MR1: variants seen among roughly 807,000 people sequenced by gnomAD.
MR1 encodes the protein major histocompatibility complex, class I-related.
A neutral mutation model predicts 37.8 loss-of-function variants in MR1; 44 were observed. The ratio of observed to expected loss-of-function variants is 1.16; its 90% CI spans 0.91 to 1.50. The LOEUF (loss-of-function observed/expected upper bound fraction) is 1.50, where lower values mean the gene tolerates loss of function less well. Among genes scored for constraint, MR1 ranks in the 40% most tolerant of loss-of-function variants. The pLI is 0.00. For missense variants in MR1, 386 were observed against 419.1 expected (o/e 0.92, Z 0.69); for synonymous variants, 153 against 155.8 (o/e 0.98, Z 0.13).
Position 181,052,224 on chromosome 1 carries a change from C to T in MR1, c.605-11C>T. ...AGGCACTTTGATTTAACTTTAGCTTCTTCTTCCTAGAGCCCCCACTGGTCA... is the reference window on the plus strand; with the variant it reads ...AGGCACTTTGATTTAACTTTAGCTTTTTCTTCCTAGAGCCCCCACTGGTCA... On this transcript the variant is annotated splice_polypyrimidine_tract_variant and intron_variant, in intron 3 of 5. Coordinates refer to ENST00000367580, the MANE Select transcript of MR1 (RefSeq NM_001385161.1). The T allele has an allele frequency of 3.7e-6, 6 of 1,611,534 alleles. No homozygotes were observed. The highest frequency in any genetic ancestry group is 4.2e-6 in the Non-Finnish European group (5 of 1,178,384).
intron 1 of MR1, among the ~76,000 whole-genome samples, chr1:181,043,767 C>A (rs968842633): frequency 6.6e-6 from 1 of 152,064 alleles, no homozygotes; most frequent in Non-Finnish European, 1.5e-5. Flanking sequence ...TGGGAGATAC[C>A]TCTCAGGGCC....
intron 1 of MR1, among the ~76,000 whole-genome samples, chr1:181,043,142 G>A (rs2102373460): frequency 6.6e-6 from 1 of 152,266 alleles, no homozygotes; most frequent in South Asian, 2.1e-4. Flanking sequence ...TTTATGAAGA[G>A]GCTCTCATGA....
chr1:181,048,478 T>C (rs1173573196), intron 1 of MR1, among the ~76,000 whole-genome samples: 2 of 150,320 alleles, frequency 1.3e-5, no homozygotes, highest in Non-Finnish European at 3.0e-5. Flanking sequence ...GAGGTTGCAG[T>C]GAACAGAGAT....
rs1571403549 is a variant in MR1 at position 181,055,383 on chromosome 1, A to G, written c.*118A>G. Reference sequence around the variant, plus strand: ...CGACACCCACAACATACATGAGAGTAATGGGATTGAGCATTTATGGCAGCA... The same window carrying G: ...CGACACCCACAACATACATGAGAGTGATGGGATTGAGCATTTATGGCAGCA... On this transcript the variant is annotated 3_prime_UTR_variant, in exon 6 of 6. Transcript: ENST00000367580. The G allele has an allele frequency of 9.1e-6, 8 of 880,512 alleles. No homozygotes were observed. The East Asian group carries it at 2.0e-4, about 22-fold the overall frequency. The allele number at this position is 880,512 out of a possible 1,614,324, so 54.5% of individuals were successfully genotyped here. A position where few individuals can be genotyped will look rare whatever the true frequency, so the allele number is the denominator to read the frequency against.
chr1:181,049,085 T>C lies in MR1; in HGVS notation c.101T>C (p.Val34Ala). The C allele has an allele frequency of 6.2e-7, 1 of 1,614,042 alleles. No homozygotes were observed. The highest frequency in any genetic ancestry group is 8.5e-7 in the Non-Finnish European group (1 of 1,179,886). Residue 34 changes from valine to alanine, a missense_variant, in exon 2 of 6, where the codon GTT becomes GCT. Transcript: ENST00000367580. ...THSLRYFRLG[V>A]SDPIHGVPEF... ...TCTCTGAGATATTTTCGCCTGGGCGTTTCGGATCCCATCCATGGGGTCCCT... is the reference window on the plus strand; with the variant it reads ...TCTCTGAGATATTTTCGCCTGGGCGCTTCGGATCCCATCCATGGGGTCCCT...
rs781355091 is a variant in MR1 at position 181,034,067 on chromosome 1, C to A, written c.60C>A (p.Ser20Arg). 8 of 1,613,000 alleles carry A rather than the reference C, an allele frequency of 5.0e-6. No homozygotes were observed. The highest frequency in any genetic ancestry group is 3.3e-5 in the South Asian group (3 of 90,924). The change falls in exon 1 of 6, where the codon AGC (serine) becomes AGA (arginine). Residue 20 changes from serine (S) to arginine (R), a missense_variant. Transcript: ENST00000367580. ...TCATTGTGTTAATGGTGAAGCACAG[C>A]GATTCCCGTGAGTATCCCACGTCCT... ...PLIIVLMVKH[S>R]DSRTHSLRYF...
At chr1:181,049,587 G>A (rs572427243) in intron 2 of MR1, 2 of 537,182 alleles carry the variant, frequency 3.7e-6, no homozygotes, top group South Asian at 2.5e-5. Context: ...CTTCTGATAT[G>A]CATCTCCTTT....
At position 181,034,068 on chromosome 1, in the gene MR1, G is replaced by A. The variant is rs745972894; in HGVS notation, c.61G>A (p.Asp21Asn). The change falls in exon 1 of 6, where the codon GAT becomes AAT. Residue 21 changes from aspartate (D) to asparagine (N), a missense_variant. Transcript: ENST00000367580. ...LIIVLMVKHS[D>N]SRTHSLRYFR... ...CATTGTGTTAATGGTGAAGCACAGC[G>A]ATTCCCGTGAGTATCCCACGTCCTC... The A allele has an allele frequency of 8.7e-6, 14 of 1,613,122 alleles. No individual in the cohort carries two copies. In the East Asian group the frequency reaches 1.8e-4, roughly 21 times the overall value.
At chr1:181,044,915 C>CT (rs938329981) in intron 1 of MR1, among the ~76,000 whole-genome samples, 1 of 152,192 alleles carries the variant, frequency 6.6e-6, no homozygotes, top group African/African-American at 2.4e-5. Flanking sequence ...GAGTCTCAGG[C>CT]TGAGGGCCGG....
intron 1 of MR1, among the ~76,000 whole-genome samples, chr1:181,035,744 C>G (rs1170271993): frequency 1.3e-5 from 2 of 152,170 alleles, no homozygotes; most frequent in East Asian, 3.8e-4. Context: ...AGTGACCACG[C>G]TCACATAAGG....
At chr1:181,051,892 CACTT>C (rs1422075259) in intron 3 of MR1, among the ~76,000 whole-genome samples, 1 of 152,194 alleles carries the variant, frequency 6.6e-6, no homozygotes, top group East Asian at 1.9e-4. Context: ...TGGGAACAGT[CACTT>C]ACACATTTTA....
rs112996862 is a variant in MR1 at position 181,053,634 on chromosome 1, G to C, written c.942G>C (p.Val314=). The C allele has an allele frequency of 1.1e-5, 17 of 1,613,832 alleles. No individual in the cohort carries two copies. In the African/African-American group the frequency reaches 2.0e-4, roughly 19 times the overall value. The change falls in exon 5 of 6, where the codon GTG becomes GTC. Residue 314 remains valine (V), a synonymous_variant. Transcript: ENST00000367580. ...CTGGGTCCATTGTCCTTGTCATTGT[G>C]CTGGCTGGAGTTGGTGTTCTAGTCT... ...AVSGSIVLVI[V]LAGVGVLVWR... is the part of the protein sequence containing the mutation.
chr1:181,037,545 C>T (rs766471854), intron 1 of MR1, among the ~76,000 whole-genome samples: 2 of 152,182 alleles, frequency 1.3e-5, no homozygotes, highest in Non-Finnish European at 2.9e-5. Context: ...AATCCTCTTA[C>T]CCCACAGTAT....
At chr1:181,050,383 G>A (rs560526084) in intron 3 of MR1, 97 bp downstream of exon 3, 4 of 1,508,730 alleles carry the variant, frequency 2.7e-6, no homozygotes, top group Admixed American at 1.8e-5. Context: ...TATCCTGAAA[G>A]CCATCTCTTT....
chr1:181,048,759 A>G (rs912788344), intron 1 of MR1, among the ~76,000 whole-genome samples: 23 of 152,122 alleles, frequency 1.5e-4, no homozygotes, highest in Middle Eastern at 3.2e-3. Flanking sequence ...CCTTCCCCCT[A>G]CAACCATAGC....
intron 1 of MR1, 124 bp downstream of exon 1, chr1:181,034,198 A>G: frequency 1.3e-6 from 1 of 775,768 alleles, no homozygotes; most frequent in South Asian, 2.0e-5. Flanking sequence ...TGTATGTATT[A>G]CACTCAGACT....
At position 181,050,255 on chromosome 1, in the gene MR1, G is replaced by A. The variant is rs1390174677; in HGVS notation, c.573G>A (p.Leu191=). 3 of 1,614,222 alleles carry A rather than the reference G, an allele frequency of 1.9e-6. No homozygotes were observed. Among genetic ancestry groups the A allele is most frequent in the East Asian group, 2.2e-5 (1 of 44,884 alleles). Residue 191 remains leucine (L), a synonymous_variant, in exon 3 of 6, where the codon CTG becomes CTA. Transcript: ENST00000367580. Reference sequence around the variant, plus strand: ...GTATTGCCTGGCTAAAGAGATTCCTGGAGTATGGGAAAGACACCCTACAAA... The same window carrying A: ...GTATTGCCTGGCTAAAGAGATTCCTAGAGTATGGGAAAGACACCCTACAAA... ...EECIAWLKRF[L]EYGKDTLQRT... is the part of the protein sequence containing the mutation.
At chr1:181,033,957 C>G (rs953341508), upstream of MR1, 17 of 1,552,726 alleles carry the variant, frequency 1.1e-5, no homozygotes, top group Admixed American at 2.8e-4. Context: ...AAGAGGTTCT[C>G]AGAAGGGACC....
rs745920673 is a variant in MR1 at position 181,033,993 on chromosome 1, G to C, written c.-15G>C. The stretch of plus-strand genomic sequence containing the variant: ...TGTCAGTTTTTGGTTAAAAGAACCC[G>C]GAAAGAGAAGGACTATGGGGGAACT... On this transcript the variant is annotated 5_prime_UTR_variant, in exon 1 of 6. Coordinates refer to ENST00000367580, the MANE Select transcript of MR1 (RefSeq NM_001385161.1). 1.9e-6 allele frequency: 3 copies of C among 1,603,104 alleles called. No homozygotes were observed. In the East Asian group the frequency reaches 6.7e-5, roughly 36 times the overall value.
Sources: allele counts gnomAD v4.1 joint callset (sites outside exome capture counted in the v4.1 genomes callset), GRCh38; gene constraint gnomAD v4.1.1; transcripts MANE v1.5; gene names NCBI Gene and HGNC (gene_info 2026-07-23, HGNC 2026-07-21).